CYP39A1: variants seen among roughly 807,000 people sequenced by gnomAD.
The protein encoded by CYP39A1 is 24-hydroxycholesterol 7-alpha-hydroxylase.
Under a neutral mutation model 58.1 loss-of-function variants are expected in CYP39A1, and 49 were observed. That is an observed-to-expected ratio of 0.84 (90% CI 0.67 to 1.07). The LOEUF (loss-of-function observed/expected upper bound fraction) is 1.07, where lower values mean the gene tolerates loss of function less well. CYP39A1 is among the 50% of genes least tolerant of loss of function. The pLI is 0.00. For synonymous variants in CYP39A1, 209 were observed against 187.6 expected, an observed-to-expected ratio of 1.11 and a Z score of -0.93; for missense variants, 531 against 539.4, an observed-to-expected ratio of 0.98 and a Z score of 0.16.
chr6:46,643,036 A>C (rs1356513273), intron 1 of CYP39A1, among the ~76,000 whole-genome samples: 1 of 152,064 alleles, frequency 6.6e-6, no homozygotes, highest in Non-Finnish European at 1.5e-5. Flanking sequence ...TCTCTTCTAC[A>C]TTTATGACTC....
At chr6:46,612,424 G>A (rs1450145301) in intron 7 of CYP39A1, among the ~76,000 whole-genome samples, 3 of 152,172 alleles carry the variant, frequency 2.0e-5, no homozygotes, top group African/African-American at 7.2e-5. Context: ...CTGTATATTT[G>A]GGGTAGAAAG....
chr6:46,574,148 C>T (rs1561958448), intron 10 of CYP39A1, among the ~76,000 whole-genome samples: 1 of 152,176 alleles, frequency 6.6e-6, no homozygotes, highest in Non-Finnish European at 1.5e-5. Flanking sequence ...ATGTTATCAG[C>T]TTCAGCATAA....
At chr6:46,640,904 G>T (rs1429231238) in intron 2 of CYP39A1, among the ~76,000 whole-genome samples, 20 of 151,670 alleles carry the variant, frequency 1.3e-4, no homozygotes, top group Admixed American at 1.2e-3. Context: ...GTAAGTTAAT[G>T]AAAAACAGTT....
At chr6:46,577,037 C>T (rs576400881) in intron 10 of CYP39A1, among the ~76,000 whole-genome samples, 1 of 152,206 alleles carries the variant, frequency 6.6e-6, no homozygotes, top group South Asian at 2.1e-4. Flanking sequence ...GGAGAAGGGG[C>T]AGATCATGTA....
chr6:46,615,487 TA>T (rs1774477387), intron 7 of CYP39A1, among the ~76,000 whole-genome samples: 1 of 152,092 alleles, frequency 6.6e-6, no homozygotes, highest in South Asian at 2.1e-4. Context: ...GACAGTTTTT[TA>T]AAACAGTGCA....
intron 7 of CYP39A1, among the ~76,000 whole-genome samples, chr6:46,599,494 T>G (rs1203673436): frequency 6.6e-6 from 1 of 152,164 alleles, no homozygotes; most frequent in African/African-American, 2.4e-5. Context: ...GCACTGGTTC[T>G]TGGCGGTTTG....
chr6:46,561,354 C>T (rs1287495658), intron 10 of CYP39A1, among the ~76,000 whole-genome samples: 4 of 152,106 alleles, frequency 2.6e-5, no homozygotes, highest in African/African-American at 9.7e-5. Context: ...AGGCCCCTGC[C>T]ACTCTTCCTC....
At chr6:46,606,526 C>T (rs551346948) in intron 7 of CYP39A1, among the ~76,000 whole-genome samples, 1 of 152,146 alleles carries the variant, frequency 6.6e-6, no homozygotes, top group Admixed American at 6.5e-5. Flanking sequence ...GGAAGAATGC[C>T]AAGGTAATCA....
rs573576033 is a variant in CYP39A1 at position 46,589,422 on chromosome 6, T to TA, written c.1066-1294dup. On this transcript the variant is annotated intron_variant, in intron 8 of 11. Transcript: ENST00000275016. ...GAGCTATGATTGTGCCACTGTACTCTAGCCTGGGAGACAGAGTGACATTCT... is the reference window on the plus strand; with the variant it reads ...GAGCTATGATTGTGCCACTGTACTCTAAGCCTGGGAGACAGAGTGACATTCT... 3.5e-4 allele frequency among the ~76,000 whole-genome samples: 54 copies of TA among 152,198 alleles called. 1 individual carries two copies. The South Asian group carries it at 9.1e-3, about 26-fold the overall frequency.
intron 8 of CYP39A1, among the ~76,000 whole-genome samples, chr6:46,588,956 G>C (rs992429904): frequency 6.6e-6 from 1 of 152,058 alleles, no homozygotes; most frequent in East Asian, 1.9e-4. Flanking sequence ...AGGAATCACA[G>C]GACAAAGAGA....
Position 46,587,882 on chromosome 6 carries a change from T to C in CYP39A1, c.1161+152A>G, listed in dbSNP as rs1325080744. ...AATGTTGCACTATCTATATTGCAAATCTGTTCTGTACTTTGTAGTCAACTT... is the reference window on the plus strand; with the variant it reads ...AATGTTGCACTATCTATATTGCAAACCTGTTCTGTACTTTGTAGTCAACTT... On this transcript the variant is annotated intron_variant, in intron 9 of 11. Coordinates refer to ENST00000275016, the MANE Select transcript of CYP39A1 (RefSeq NM_016593.5). 7 of 440,698 alleles carry C rather than the reference T, an allele frequency of 1.6e-5. No individual in the cohort carries two copies. The South Asian group carries it at 2.6e-4, about 16-fold the overall frequency. 27.3% of individuals were successfully genotyped at this position (440,698 alleles called of 1,614,324 possible).
At chr6:46,630,404 A>G (rs1775582277) in intron 6 of CYP39A1, among the ~76,000 whole-genome samples, 1 of 152,168 alleles carries the variant, frequency 6.6e-6, no homozygotes, top group Non-Finnish European at 1.5e-5. Context: ...CTAAGACCAC[A>G]GTGGGAGGTT....
intron 10 of CYP39A1, among the ~76,000 whole-genome samples, chr6:46,555,058 C>T (rs948312315): frequency 1.3e-5 from 2 of 151,990 alleles, no homozygotes; most frequent in Non-Finnish European, 2.9e-5. Context: ...CAGACACACA[C>T]ACACACACAC....
At chr6:46,638,804 T>C (rs1776152579) in intron 3 of CYP39A1, among the ~76,000 whole-genome samples, 1 of 152,180 alleles carries the variant, frequency 6.6e-6, no homozygotes, top group South Asian at 2.1e-4. Flanking sequence ...CCAGGATTCC[T>C]GCTGAGATGG....
In CYP39A1 at chr6:46,549,728, GAATAT is replaced by G. The variant is rs1770292155; in HGVS notation, c.*633_*637del. The G allele has an allele frequency of 6.6e-6, 1 of 152,144 alleles. No individual in the cohort carries two copies. 9.4% of individuals were successfully genotyped at this position (152,144 alleles called of 1,614,324 possible). On this transcript the variant is annotated 3_prime_UTR_variant, in exon 12 of 12. Coordinates refer to ENST00000275016, the MANE Select transcript of CYP39A1 (RefSeq NM_016593.5). ...ATACATCAATCAACATACATTTATT[GAATAT>G]ACTCTGTAAAGAAGGTGCAATCCTG...
chr6:46,648,674 A>T (rs1762482333), intron 1 of CYP39A1, among the ~76,000 whole-genome samples: 2 of 152,266 alleles, frequency 1.3e-5, no homozygotes, highest in South Asian at 2.1e-4. Flanking sequence ...ATAATAATAA[A>T]AAAAAATTAT....
rs1029638250 is a variant in CYP39A1, at chr6:46,625,611, T to G, written c.841-103A>C. 5 of 738,564 alleles carry G rather than the reference T, an allele frequency of 6.8e-6. No homozygotes were observed. In the African/African-American group the frequency reaches 8.9e-5, roughly 13 times the overall value. The allele number at this position is 738,564 out of a possible 1,614,324, so 45.8% of individuals were successfully genotyped here. A position where few individuals can be genotyped will look rare whatever the true frequency, so the allele number is the denominator to read the frequency against. Reference sequence around the variant, plus strand: ...TATATTTTTTAAAAAGGATGATGTTTAAATTAACCTTAAGAGCACATTAGT... The same window carrying G: ...TATATTTTTTAAAAAGGATGATGTTGAAATTAACCTTAAGAGCACATTAGT... On this transcript the variant is annotated intron_variant, in intron 6 of 11. Coordinates refer to ENST00000275016, the MANE Select transcript of CYP39A1 (RefSeq NM_016593.5).
intron 7 of CYP39A1, among the ~76,000 whole-genome samples, chr6:46,606,745 T>C (rs1437934627): frequency 6.6e-6 from 1 of 152,210 alleles, no homozygotes; most frequent in Non-Finnish European, 1.5e-5. Flanking sequence ...TAAAACATTA[T>C]ACATAGTTTT....
intron 10 of CYP39A1, among the ~76,000 whole-genome samples, chr6:46,579,432 C>G (rs976705292): frequency 6.6e-6 from 1 of 152,020 alleles, no homozygotes; most frequent in African/African-American, 2.4e-5. Flanking sequence ...GGAACCCTTC[C>G]CCTTGAAAAC....
Sources: allele counts gnomAD v4.1 joint callset (sites outside exome capture counted in the v4.1 genomes callset), GRCh38; gene constraint gnomAD v4.1.1; transcripts MANE v1.5; gene names NCBI Gene and HGNC (gene_info 2026-07-23, HGNC 2026-07-21).